GABRA3: variants seen among roughly 807,000 people sequenced by gnomAD.
GABRA3 encodes the protein gamma-aminobutyric acid type A receptor subunit alpha3.
In GABRA3, 10 loss-of-function variants were observed where a neutral mutation model predicts 30.1. That is an observed-to-expected ratio of 0.33 (90% CI 0.20 to 0.56). The LOEUF (loss-of-function observed/expected upper bound fraction) is 0.56, where lower values mean the gene tolerates loss of function less well. GABRA3 is among the 20% of genes least tolerant of loss of function. GABRA3 has a pLI of 0.89. For synonymous variants in GABRA3, 151 were observed against 146.8 expected (o/e 1.03, Z -0.21); for missense variants, 233 against 392.0 (o/e 0.59, Z 3.42).
intron 7 of GABRA3, among the ~76,000 whole-genome samples, chrX:152,199,703 G>A (rs1178595299): frequency 9.1e-6 from 1 of 110,121 alleles, no homozygotes. Context: ...CAAGATTTTG[G>A]TTTTCACTCT....
chrX:152,199,501 C>T (rs112479172), intron 7 of GABRA3, among the ~76,000 whole-genome samples: 2 of 109,849 alleles, frequency 1.8e-5, no homozygotes, highest in African/African-American at 6.6e-5. Flanking sequence ...CTCAGAATCT[C>T]GAAAGAACTA....
chrX:152,302,774 C>T (rs1453191859), intron 3 of GABRA3, among the ~76,000 whole-genome samples: 1 of 110,869 alleles, frequency 9.0e-6, no homozygotes, highest in East Asian at 2.9e-4. Context: ...CTGTTTTCAT[C>T]TTTATGTCTG....
At chrX:152,248,377 T>C (rs1163087455) in intron 5 of GABRA3, among the ~76,000 whole-genome samples, 2 of 111,705 alleles carry the variant, frequency 1.8e-5, no homozygotes, top group Non-Finnish European at 3.8e-5. Context: ...ATACCTCCCA[T>C]ATACAATCTG....
chrX:152,168,795 C>T (rs1936968799), intron 9 of GABRA3, among the ~76,000 whole-genome samples: 1 of 112,068 alleles, frequency 8.9e-6, no homozygotes, highest in Non-Finnish European at 1.9e-5. Context: ...GTCGCTTTGG[C>T]TAAGTCACTT....
At chrX:152,186,599 A>C (rs1321972961) in intron 9 of GABRA3, among the ~76,000 whole-genome samples, 3 of 96,304 alleles carry the variant, frequency 3.1e-5, no homozygotes, top group Admixed American at 1.2e-4. Flanking sequence ...TCCTTCCTTT[A>C]TCTCTCTCTC....
intron 5 of GABRA3, among the ~76,000 whole-genome samples, chrX:152,247,005 C>T (rs1938471210): frequency 8.9e-6 from 1 of 111,948 alleles, no homozygotes; most frequent in African/African-American, 3.2e-5. Context: ...AAGTGCAAGC[C>T]ATTTGCATCT....
At chrX:152,316,700 C>T (rs953051368) in intron 3 of GABRA3, among the ~76,000 whole-genome samples, 3 of 111,935 alleles carry the variant, frequency 2.7e-5, no homozygotes, top group East Asian at 2.8e-4. Flanking sequence ...TTGGGGCCCT[C>T]GCTTCAGCCT....
At chrX:152,292,599 TTTGC>T (rs1939442336) in intron 3 of GABRA3, among the ~76,000 whole-genome samples, 2 of 111,043 alleles carry the variant, frequency 1.8e-5, no homozygotes, top group Admixed American at 1.9e-4. Flanking sequence ...AGCTTTTGAA[TTTGC>T]TTGTTGTTGC....
intron 4 of GABRA3, among the ~76,000 whole-genome samples, chrX:152,275,442 T>C (rs1939059120): frequency 9.5e-6 from 1 of 105,791 alleles, no homozygotes; most frequent in Non-Finnish European, 1.9e-5. Flanking sequence ...AAAATATATA[T>C]TTACATATTT....
intron 1 of GABRA3, among the ~76,000 whole-genome samples, chrX:152,407,485 G>A (rs766648198): frequency 5.3e-4 from 59 of 111,601 alleles, no homozygotes; most frequent in African/African-American, 1.9e-3. Context: ...AGAAGAAATT[G>A]ATAAATTCCT....
chrX:152,193,575 T>C (rs976798556), intron 8 of GABRA3, among the ~76,000 whole-genome samples: 1 of 112,844 alleles, frequency 8.9e-6, no homozygotes, highest in Non-Finnish European at 1.9e-5. Flanking sequence ...GATTATATAG[T>C]AAGCATATAT....
chrX:152,268,460 C>T (rs1168516890), intron 4 of GABRA3, among the ~76,000 whole-genome samples: 2 of 112,384 alleles, frequency 1.8e-5, no homozygotes, highest in Non-Finnish European at 3.8e-5. Flanking sequence ...TTGTCTACCA[C>T]CAGGATTATG....
intron 1 of GABRA3, among the ~76,000 whole-genome samples, chrX:152,396,085 A>G (rs1380876585): frequency 8.9e-6 from 1 of 112,000 alleles, no homozygotes; most frequent in South Asian, 3.7e-4. Flanking sequence ...AGATGCCTTT[A>G]TAATGGATTA....
intron 3 of GABRA3, among the ~76,000 whole-genome samples, chrX:152,318,078 C>CA (rs1939905809): frequency 9.1e-6 from 1 of 110,483 alleles, no homozygotes; most frequent in African/African-American, 3.3e-5. Flanking sequence ...CAAGATTAAC[C>CA]AAAAAAAGAA....
At chrX:152,436,978 G>C (rs1424725377) in intron 1 of GABRA3, among the ~76,000 whole-genome samples, 1 of 110,965 alleles carries the variant, frequency 9.0e-6, no homozygotes, top group East Asian at 2.8e-4. Context: ...TTGTATTATA[G>C]AATGACCCAA....
chrX:152,369,916 G>T (rs756497627), intron 1 of GABRA3, among the ~76,000 whole-genome samples: 1 of 111,560 alleles, frequency 9.0e-6, no homozygotes, highest in African/African-American at 3.3e-5. Flanking sequence ...CCTAAATGAG[G>T]AAAATTGGTT....
At chrX:152,271,324 C>T (rs764828497) in intron 4 of GABRA3, among the ~76,000 whole-genome samples, 8 of 111,716 alleles carry the variant, frequency 7.2e-5, no homozygotes, top group South Asian at 7.5e-4. Context: ...CAATAAAGTC[C>T]AGACTGATAT....
chrX:152,280,443 G>T (rs1939178997), intron 4 of GABRA3, among the ~76,000 whole-genome samples: 1 of 111,205 alleles, frequency 9.0e-6, no homozygotes, highest in Non-Finnish European at 1.9e-5. Context: ...AGAGAAAACA[G>T]GTACAATAAT....
chrX:152,166,506 T>C lies in GABRA3; in HGVS notation c.*1722A>G, dbSNP rs1183318360. ...AAGGAAGCAGGGGACGGGGAAAGGA[T>C]GGATGAAAAGGCAACCAGCAGCTAA... On this transcript the variant is annotated 3_prime_UTR_variant, in exon 10 of 10. Coordinates refer to ENST00000370314, the MANE Select transcript of GABRA3 (RefSeq NM_000808.4). The C allele has an allele frequency of 9.1e-6, 1 of 110,195 alleles. No homozygotes were observed. The highest frequency in any genetic ancestry group is 3.3e-5 in the African/African-American group (1 of 30,153). 9.1% of individuals were successfully genotyped at this position (110,195 alleles called of 1,213,427 possible).
Sources: gnomAD v4.1 joint callset for allele counts (sites outside exome capture counted in the v4.1 genomes callset) on GRCh38, gnomAD v4.1.1 for gene constraint, MANE v1.5 for transcripts, NCBI Gene and HGNC (gene_info 2026-07-23, HGNC 2026-07-21) for gene names.